The following HOXB3 variants were observed in gnomAD, a reference collection of about 807,000 sequenced individuals.
HOXB3 encodes the protein homeobox protein Hox-B3.
A neutral mutation model predicts 29.2 loss-of-function variants in HOXB3; 17 were observed. The ratio of observed to expected loss-of-function variants is 0.58; its 90% CI spans 0.40 to 0.87. The LOEUF (loss-of-function observed/expected upper bound fraction) is 0.87. Ranked by LOEUF, HOXB3 falls within the 40% of genes least tolerant of loss-of-function variation. The pLI is 0.00. For synonymous variants in HOXB3, 317 were observed against 285.9 expected (o/e 1.11, Z -1.10); for missense variants, 637 against 616.3 (o/e 1.03, Z -0.35).
At chr17:48,576,650 T>TGGCCCC in intron 1 of HOXB3, 1 of 567,770 alleles carries the variant, frequency 1.8e-6, no homozygotes. Flanking sequence ...CCCCCTCCTG[T>TGGCCCC]CCCCCCACCC....
intron 2 of HOXB3, among the ~76,000 whole-genome samples, chr17:48,568,472 C>A (rs567987657): frequency 6.6e-6 from 1 of 152,236 alleles, no homozygotes; most frequent in Non-Finnish European, 1.5e-5. Context: ...AAATAACCAA[C>A]TCCTGGGAGC....
At position 48,550,684 on chromosome 17, in the gene HOXB3, C is replaced by T. The variant is rs1403657738; in HGVS notation, c.946G>A (p.Gly316Ser). The T allele has an allele frequency of 6.5e-7, 1 of 1,533,990 alleles. No homozygotes were observed. The highest frequency in any genetic ancestry group is 1.3e-5 in the South Asian group (1 of 78,074). The change falls in exon 5 of 5, where the codon GGC (glycine) becomes AGC (serine). Residue 316 changes from glycine (G) to serine (S), a missense_variant. By Grantham distance (56) the Gly-to-Ser change is moderately conservative. Coordinates refer to ENST00000498678, the MANE Select transcript of HOXB3 (RefSeq NM_001384749.1). The stretch of plus-strand genomic sequence containing the variant: ...GTCGGAGGGTACTTCTGCGGGGCGC[C>T]GCAGCCTTTGAGAGGGGGCTGGTAG... ...SNYQPPLKGCGAPQKYPPTPA... is the reference protein window; with the variant it reads ...SNYQPPLKGCSAPQKYPPTPA...
At chr17:48,578,090 G>T in intron 1 of HOXB3, 1 of 1,088,312 alleles carries the variant, frequency 9.2e-7, no homozygotes, top group Non-Finnish European at 1.2e-6. Flanking sequence ...GGGTGGTGGC[G>T]GAGGCGGCGG....
intron 2 of HOXB3, among the ~76,000 whole-genome samples, chr17:48,570,652 C>T (rs2069558131): frequency 6.6e-6 from 1 of 152,210 alleles, no homozygotes; most frequent in Non-Finnish European, 1.5e-5. Context: ...GTGTCGGCCT[C>T]GGAGGTTCCA....
chr17:48,560,315 G>A (rs1388314614), intron 2 of HOXB3: 2 of 152,258 alleles, frequency 1.3e-5, no homozygotes, highest in African/African-American at 4.8e-5. Flanking sequence ...ACCAATCAGC[G>A]AAAGGCCTTC....
chr17:48,573,124 GAAACC>G (rs1007534888), intron 2 of HOXB3, among the ~76,000 whole-genome samples: 5 of 152,144 alleles, frequency 3.3e-5, no homozygotes, highest in Admixed American at 2.6e-4. Context: ...AGAGCAAAGG[GAAACC>G]AAACCAAACC....
chr17:48,584,626 G>A (rs1166058480), intron 1 of HOXB3, among the ~76,000 whole-genome samples: 1 of 152,196 alleles, frequency 6.6e-6, no homozygotes, highest in Non-Finnish European at 1.5e-5. Context: ...GTGTGGCTAG[G>A]AAGGTTTTAA....
At chr17:48,586,187 G>A (rs764100965) in intron 1 of HOXB3, among the ~76,000 whole-genome samples, 2 of 152,218 alleles carry the variant, frequency 1.3e-5, no homozygotes, top group Non-Finnish European at 2.9e-5. Flanking sequence ...TTTAGGGGGA[G>A]AAGAGACAAG....
rs201123784 is a variant in HOXB3 at position 48,578,049 on chromosome 17, G to T, written c.-424-4035C>A. 4 of 1,223,464 alleles carry T rather than the reference G, an allele frequency of 3.3e-6. No homozygotes were observed. Among genetic ancestry groups the T allele is most frequent in the Middle Eastern group, 3.1e-4 (1 of 3,200 alleles). 75.8% of individuals were successfully genotyped at this position (1,223,464 alleles called of 1,614,324 possible). ...GCGGGTGGCGGCGCAGGAGCCCGAG[G>T]GGACAGACCGGGCGGTGGCGGGGGC... On this transcript the variant is annotated intron_variant, in intron 1 of 4. Coordinates refer to ENST00000498678, the MANE Select transcript of HOXB3 (RefSeq NM_001384749.1).
At chr17:48,558,330 C>A (rs934013839) in intron 2 of HOXB3, among the ~76,000 whole-genome samples, 8 of 151,952 alleles carry the variant, frequency 5.3e-5, no homozygotes, top group Non-Finnish European at 1.0e-4. Context: ...TCTTTGTGGT[C>A]CCTCGGGCTA....
chr17:48,566,215 A>G (rs2069381406), intron 2 of HOXB3, among the ~76,000 whole-genome samples: 1 of 152,128 alleles, frequency 6.6e-6, no homozygotes, highest in Non-Finnish European at 1.5e-5. Context: ...AAGCAAATGT[A>G]TATATAAACA....
chr17:48,571,893 A>C (rs1254948441), intron 2 of HOXB3, among the ~76,000 whole-genome samples: 2 of 152,240 alleles, frequency 1.3e-5, no homozygotes, highest in Admixed American at 6.5e-5. Context: ...GAAACAATTT[A>C]CAAAATGCAA....
intron 1 of HOXB3, chr17:48,574,970 G>A (rs2069712690): frequency 1.3e-5 from 2 of 152,154 alleles, no homozygotes; most frequent in South Asian, 4.1e-4. Context: ...CTGAAAACCT[G>A]CAAACACCCA....
chr17:48,576,814 T>C (rs931949435), intron 1 of HOXB3: 10 of 1,614,066 alleles, frequency 6.2e-6, no homozygotes, highest in East Asian at 2.2e-5. Context: ...TTGGGCAACT[T>C]GTGGTCTTTT....
At chr17:48,566,175 GT>G (rs2069380579) in intron 2 of HOXB3, among the ~76,000 whole-genome samples, 1 of 152,176 alleles carries the variant, frequency 6.6e-6, no homozygotes, top group African/African-American at 2.4e-5. Flanking sequence ...TGCAGGACTG[GT>G]AAGAGACAGG....
At chr17:48,573,545 CT>C (rs1479324710) in intron 2 of HOXB3, among the ~76,000 whole-genome samples, 1 of 152,150 alleles carries the variant, frequency 6.6e-6, no homozygotes, top group Non-Finnish European at 1.5e-5. Context: ...AAAAGCGCTT[CT>C]GAACTGCCTC....
At chr17:48,581,904 G>A (rs1597857737) in intron 1 of HOXB3, 2 of 152,288 alleles carry the variant, frequency 1.3e-5, no homozygotes, top group African/African-American at 2.4e-5. Context: ...CTCCCAGGAC[G>A]GGTTTCACCG....
In HOXB3 at chr17:48,549,968, G is replaced by T; in HGVS notation, c.*366C>A. 1 of 203,780 alleles carries T rather than the reference G, an allele frequency of 4.9e-6. No individual in the cohort carries two copies. The highest frequency in any genetic ancestry group is 1.4e-4 in the East Asian group (1 of 7,248). 12.6% of individuals were successfully genotyped at this position (203,780 alleles called of 1,614,324 possible). Reference sequence around the variant, plus strand: ...TAAGGTAAGTCCGTTGGTTGGTGATGGCCTAGCCATCTTGTCTGGTTTTTA... The same window carrying T: ...TAAGGTAAGTCCGTTGGTTGGTGATTGCCTAGCCATCTTGTCTGGTTTTTA... On this transcript the variant is annotated 3_prime_UTR_variant, in exon 5 of 5. Transcript: ENST00000498678.
At chr17:48,551,238 G>C in intron 4 of HOXB3, 57 bp from the exon 5 acceptor site, 4 of 1,264,274 alleles carry the variant, frequency 3.2e-6, no homozygotes, top group Non-Finnish European at 4.0e-6. Context: ...GATAATTACT[G>C]AACACGCCGA....
Sources: allele counts gnomAD v4.1 joint callset (sites outside exome capture counted in the v4.1 genomes callset), GRCh38; gene constraint gnomAD v4.1.1; transcripts MANE v1.5; gene names NCBI Gene and HGNC (gene_info 2026-07-23, HGNC 2026-07-21).